NCAM1: variants seen among roughly 807,000 people sequenced by gnomAD.
The protein encoded by NCAM1 is neural cell adhesion molecule 1.
NCAM1 carries 14 observed loss-of-function variants against 109.8 expected under a neutral mutation model. The ratio of observed to expected loss-of-function variants is 0.13; its 90% confidence interval spans 0.08 to 0.20. The LOEUF (loss-of-function observed/expected upper bound fraction) is 0.20. Ranked by LOEUF, NCAM1 falls within the 10% of genes least tolerant of loss-of-function variation. NCAM1 has a pLI of 1.00. For missense variants in NCAM1, 774 were observed against 1,109.9 expected (o/e 0.70, Z 4.30); for synonymous variants, 418 against 442.9 (o/e 0.94, Z 0.70).
At chr11:112,992,649 C>T (rs781825359) in intron 1 of NCAM1, among the ~76,000 whole-genome samples, 24 of 151,832 alleles carry the variant, frequency 1.6e-4, no homozygotes, top group East Asian at 1.9e-4. Context: ...TACAGGCGCC[C>T]GCCACCATGC....
rs1321490133 is a variant in NCAM1 at position 113,233,749 on chromosome 11, G to A, written c.1693+432G>A. Among the ~76,000 whole-genome samples the A allele has an allele frequency of 2.6e-5, 4 of 152,166 alleles. No individual in the cohort carries two copies. Among genetic ancestry groups the A allele is most frequent in the African/African-American group, 9.6e-5 (4 of 41,454 alleles). Reference sequence around the variant, plus strand: ...GACTGGCTGTCTTGTAATTGTGATAGTAACCAAATAAGCACAGCCAGCAGG... The same window carrying A: ...GACTGGCTGTCTTGTAATTGTGATAATAACCAAATAAGCACAGCCAGCAGG... On this transcript the variant is annotated intron_variant, in intron 13 of 19. Coordinates refer to ENST00000316851, the MANE Select transcript of NCAM1 (RefSeq NM_181351.5). The surrounding 1 kb of genome is among the most constrained non-coding windows in gnomAD (Gnocchi z 4.5).
intron 1 of NCAM1, among the ~76,000 whole-genome samples, chr11:113,029,631 T>A (rs1335898660): frequency 1.3e-5 from 2 of 152,124 alleles, no homozygotes; most frequent in African/African-American, 2.4e-5. Flanking sequence ...TCAAGAAATA[T>A]CCATTTAAAT....
chr11:113,017,159 C>T (rs1952227549), intron 1 of NCAM1, among the ~76,000 whole-genome samples: 1 of 152,162 alleles, frequency 6.6e-6, no homozygotes, highest in Non-Finnish European at 1.5e-5. Context: ...AGAAACTGCT[C>T]CACCTTCTCT....
chr11:113,232,629 T>G, intron 11 of NCAM1, 89 bp from the exon 12 acceptor site: 1 of 1,134,676 alleles, frequency 8.8e-7, no homozygotes, highest in East Asian at 2.4e-5. Context: ...CTAGTTCTGT[T>G]TTTTACTAAC....
intron 1 of NCAM1, among the ~76,000 whole-genome samples, chr11:113,069,361 C>A (rs1938150604): frequency 6.6e-6 from 1 of 152,108 alleles, no homozygotes; most frequent in African/African-American, 2.4e-5. Flanking sequence ...GCTAGGAATG[C>A]CAGGATATAA....
At chr11:113,013,182 T>C (rs1952114934) in intron 1 of NCAM1, among the ~76,000 whole-genome samples, 2 of 151,518 alleles carry the variant, frequency 1.3e-5, no homozygotes, top group South Asian at 4.2e-4. Context: ...ATACCAGCAC[T>C]TTGGGAGGCT....
At chr11:113,246,480 AT>A (rs1392974892) in intron 15 of NCAM1, 110 bp downstream of exon 15, 5 of 680,182 alleles carry the variant, frequency 7.4e-6, no homozygotes, top group African/African-American at 7.1e-5. Context: ...CATTTGAGAG[AT>A]TTCCTCTTGT....
intron 1 of NCAM1, among the ~76,000 whole-genome samples, chr11:113,008,445 C>T (rs942556088): frequency 9.9e-5 from 15 of 152,280 alleles, no homozygotes; most frequent in Non-Finnish European, 1.5e-5. Context: ...AACAATGACT[C>T]ATTTCAGCCG....
At chr11:113,111,694 G>A (rs953962355) in intron 1 of NCAM1, among the ~76,000 whole-genome samples, 17 of 152,248 alleles carry the variant, frequency 1.1e-4, no homozygotes, top group Middle Eastern at 3.4e-3. Flanking sequence ...AATATAAGCC[G>A]ATGTTAACAC....
intron 1 of NCAM1, among the ~76,000 whole-genome samples, chr11:113,185,812 T>C (rs534495282): frequency 6.6e-6 from 1 of 152,310 alleles, no homozygotes; most frequent in East Asian, 1.9e-4. Flanking sequence ...CACCTGGCTG[T>C]ATGTAAAAAT....
intron 1 of NCAM1, among the ~76,000 whole-genome samples, chr11:113,044,062 T>A (rs572258606): frequency 1.3e-5 from 2 of 152,182 alleles, no homozygotes; most frequent in African/African-American, 4.8e-5. Flanking sequence ...TCTGTTTAAC[T>A]AAAGGAAATA....
chr11:113,009,312 GTTTTTTTTTTTT>G (rs781818836), intron 1 of NCAM1, among the ~76,000 whole-genome samples: 3 of 79,654 alleles, frequency 3.8e-5, no homozygotes, highest in African/African-American at 9.7e-5. Context: ...GTTTTTTCGG[GTTTTTTTTTTTT>G]TTTTTTTTTT....
At chr11:112,973,321 A>T (rs954119291) in intron 1 of NCAM1, among the ~76,000 whole-genome samples, 1 of 152,132 alleles carries the variant, frequency 6.6e-6, no homozygotes, top group Admixed American at 6.5e-5. Context: ...CAATTGCTAT[A>T]TGAGAATTGG....
At chr11:113,262,824 AC>A in intron 17 of NCAM1, 2 of 1,612,856 alleles carry the variant, frequency 1.2e-6, no homozygotes, top group Non-Finnish European at 1.7e-6. Flanking sequence ...ATCTCTGGGG[AC>A]CCATTGCTTG....
intron 2 of NCAM1, among the ~76,000 whole-genome samples, chr11:113,203,905 C>T (rs913421393): frequency 1.3e-5 from 2 of 152,150 alleles, no homozygotes; most frequent in African/African-American, 2.4e-5. Flanking sequence ...CTCTGGCGCC[C>T]GAATCCTAAA....
At chr11:113,262,729 C>A in intron 17 of NCAM1, 1 of 1,144,334 alleles carries the variant, frequency 8.7e-7, no homozygotes, top group South Asian at 1.7e-5. Context: ...GTCCCCCTCC[C>A]CTTCCTGTGT....
chr11:113,214,028 C>A (rs1011552132), intron 7 of NCAM1, among the ~76,000 whole-genome samples: 1 of 152,198 alleles, frequency 6.6e-6, no homozygotes, highest in Non-Finnish European at 1.5e-5. Flanking sequence ...CCATCTCCAC[C>A]CTAGAGTTCC....
chr11:113,001,080 C>T (rs1208955870), intron 1 of NCAM1, among the ~76,000 whole-genome samples: 2 of 151,962 alleles, frequency 1.3e-5, no homozygotes, highest in Non-Finnish European at 2.9e-5. Flanking sequence ...AATCCGTGAG[C>T]CCTCTAGTCA....
At chr11:112,999,605 A>G (rs1951691085) in intron 1 of NCAM1, among the ~76,000 whole-genome samples, 1 of 152,170 alleles carries the variant, frequency 6.6e-6, no homozygotes, top group Non-Finnish European at 1.5e-5. Context: ...GATGATGCCA[A>G]TAACCCTAAT....
Sources: gnomAD v4.1 joint callset for allele counts (sites outside exome capture counted in the v4.1 genomes callset) on GRCh38, gnomAD v4.1.1 for gene constraint, Gnocchi (gnomAD v3.1) non-coding constraint, MANE v1.5 for transcripts, NCBI Gene and HGNC (gene_info 2026-07-23, HGNC 2026-07-21) for gene names.